FGFR2: variants seen among roughly 807,000 people sequenced by gnomAD.
FGFR2 encodes the protein fibroblast growth factor receptor 2, also known as BEK fibroblast growth factor receptor.
In FGFR2, 19 loss-of-function variants were observed where a neutral mutation model predicts 95.9. The observed-to-expected ratio is 0.20, with a 90% CI of 0.14 to 0.29. The LOEUF is 0.29. Ranked by LOEUF, FGFR2 falls within the 10% of genes least tolerant of loss-of-function variation. The probability of loss-of-function intolerance (pLI) is 1.00; values close to 1 mark genes in which losing one functional copy is unlikely to be tolerated. For missense variants in FGFR2, 707 were observed against 1,056.9 expected (o/e 0.67, Z 4.59); for synonymous variants, 392 against 393.3 (o/e 1.00, Z 0.04).
At chr10:121,569,342 T>A (rs1172980267) in intron 2 of FGFR2, among the ~76,000 whole-genome samples, 1 of 151,756 alleles carries the variant, frequency 6.6e-6, no homozygotes, top group Non-Finnish European at 1.5e-5. Context: ...TGCCTCAGCC[T>A]CCCAAGTAGT....
chr10:121,489,405 T>C (rs1489612334), intron 13 of FGFR2, among the ~76,000 whole-genome samples: 2 of 152,092 alleles, frequency 1.3e-5, no homozygotes, highest in Admixed American at 1.3e-4. Context: ...TCCCCTTCCC[T>C]CAGCTGCCTC....
At chr10:121,560,475 T>C (rs1313186284) in intron 4 of FGFR2, among the ~76,000 whole-genome samples, 1 of 151,338 alleles carries the variant, frequency 6.6e-6, no homozygotes, top group Non-Finnish European at 1.5e-5. Context: ...ATTAGCCGGG[T>C]GTGGTGGTGG....
At position 121,484,095 on chromosome 10, in the gene FGFR2, G is replaced by A. The variant is rs548983419; in HGVS notation, c.2196-292C>T. Among the ~76,000 whole-genome samples, 6 of 152,076 alleles carry A rather than the reference G, an allele frequency of 3.9e-5. No individual in the cohort carries two copies. In the East Asian group the frequency reaches 9.7e-4, roughly 24 times the overall value. On this transcript the variant is annotated intron_variant, in intron 16 of 17. Coordinates refer to ENST00000358487, the MANE Select transcript of FGFR2 (RefSeq NM_000141.5). ...GGCCACAGTGACATCTCACAATGGC[G>A]TCACACCCTAAAGATGCTTTGGAGG...
intron 17 of FGFR2, chr10:121,481,843 T>A (rs1204422930): frequency 1.6e-5 from 3 of 185,486 alleles, no homozygotes; most frequent in South Asian, 2.1e-4. Flanking sequence ...TATTTTTATT[T>A]TTTTTTTTTT....
chr10:121,588,650 G>A (rs1423511189), intron 2 of FGFR2, among the ~76,000 whole-genome samples: 7 of 152,158 alleles, frequency 4.6e-5, no homozygotes, highest in African/African-American at 1.7e-4. Flanking sequence ...TAGGACAGGT[G>A]TGGTGGCTCA....
chr10:121,501,233 G>A (rs1001694500), intron 10 of FGFR2, among the ~76,000 whole-genome samples: 1 of 152,132 alleles, frequency 6.6e-6, no homozygotes, highest in Non-Finnish European at 1.5e-5. Context: ...GCTTTCCTAA[G>A]TGCCAGAGAA....
In FGFR2 at chr10:121,531,090, C is replaced by A. The variant is rs1852014620; in HGVS notation, c.748+7502G>T. Among the ~76,000 whole-genome samples the A allele has an allele frequency of 6.6e-6, 1 of 152,210 alleles. No individual in the cohort carries two copies. Among genetic ancestry groups the A allele is most frequent in the African/African-American group, 2.4e-5 (1 of 41,460 alleles). ...CTCTCCAGCCACCTCACCCAGGCCC[C>A]CTGCAAGAATCGAAAGCAATCAATA... On this transcript the variant is annotated intron_variant, in intron 6 of 17. Coordinates refer to ENST00000358487, the MANE Select transcript of FGFR2 (RefSeq NM_000141.5). This position sits in a 1 kb window ranked among gnomAD's most constrained non-coding sequence, Gnocchi z 4.5.
intron 4 of FGFR2, among the ~76,000 whole-genome samples, chr10:121,553,986 G>C (rs773039395): frequency 6.6e-6 from 1 of 152,196 alleles, no homozygotes; most frequent in African/African-American, 2.4e-5. Flanking sequence ...TTGGTGCCTC[G>C]GGAGTGATTT....
intron 6 of FGFR2, among the ~76,000 whole-genome samples, chr10:121,533,897 G>T (rs910511370): frequency 1.3e-5 from 2 of 152,026 alleles, no homozygotes; most frequent in South Asian, 2.1e-4. Flanking sequence ...ACTGCAAAGT[G>T]GGGGAGGGGA....
Position 121,597,995 on chromosome 10 carries a change from G to A in FGFR2, c.-184C>T. On this transcript the variant is annotated 5_prime_UTR_variant, in exon 1 of 18. Transcript: ENST00000358487. Reference sequence around the variant, plus strand: ...GCAACGCTCCTCCGCGACCTGTGTTGTCCCCGCGCCCCGCGTGGGTCGGGA... The same window carrying A: ...GCAACGCTCCTCCGCGACCTGTGTTATCCCCGCGCCCCGCGTGGGTCGGGA... 2.5e-6 allele frequency: 1 copy of A among 395,520 alleles called. No individual in the cohort carries two copies. The highest frequency in any genetic ancestry group is 4.5e-6 in the Non-Finnish European group (1 of 224,014). The allele number at this position is 395,520 out of a possible 1,614,324, so 24.5% of individuals were successfully genotyped here.
At chr10:121,525,647 G>GAGAGAGAGAGAGA (rs1564929147) in intron 6 of FGFR2, among the ~76,000 whole-genome samples, 1 of 136,982 alleles carries the variant, frequency 7.3e-6, no homozygotes, top group African/African-American at 2.6e-5. Flanking sequence ...GAGAGAGAGA[G>GAGAGAGAGAGAGA]GAAAAAAATA....
At chr10:121,570,140 A>G (rs1427606565) in intron 2 of FGFR2, among the ~76,000 whole-genome samples, 1 of 122,392 alleles carries the variant, frequency 8.2e-6, no homozygotes, top group African/African-American at 2.5e-5. Context: ...CCAGGGGGCC[A>G]AGAACACAAG....
chr10:121,524,531 T>C (rs1041142355), intron 6 of FGFR2, among the ~76,000 whole-genome samples: 2 of 152,194 alleles, frequency 1.3e-5, no homozygotes, highest in Admixed American at 6.5e-5. Flanking sequence ...CTGGACGTCT[T>C]GGAAAAGGGC....
intron 1 of FGFR2, among the ~76,000 whole-genome samples, chr10:121,597,550 C>T (rs1469021430): frequency 6.6e-6 from 1 of 152,204 alleles, no homozygotes; most frequent in Non-Finnish European, 1.5e-5. Context: ...TACGGAAGTT[C>T]CCAGGACACA....
At chr10:121,495,942 C>A (rs900074138) in intron 13 of FGFR2, among the ~76,000 whole-genome samples, 1 of 152,184 alleles carries the variant, frequency 6.6e-6, no homozygotes, top group Non-Finnish European at 1.5e-5. Context: ...TCAAGTTCCA[C>A]GGTAAGTGGC....
At chr10:121,481,264 G>A (rs545158402) in intron 17 of FGFR2, among the ~76,000 whole-genome samples, 4 of 152,280 alleles carry the variant, frequency 2.6e-5, no homozygotes, top group Non-Finnish European at 5.9e-5. Context: ...ACATCCAGAA[G>A]CCAACAACTA....
chr10:121,597,845 A>G (rs967974536), intron 1 of FGFR2, 117 bp downstream of exon 1: 17 of 371,478 alleles, frequency 4.6e-5, no homozygotes, highest in African/African-American at 3.1e-4. Flanking sequence ...CGTCCTCCAC[A>G]ATGCTAGTCC....
intron 1 of FGFR2, among the ~76,000 whole-genome samples, chr10:121,596,931 A>G (rs1207582703): frequency 6.6e-6 from 1 of 152,178 alleles, no homozygotes; most frequent in African/African-American, 2.4e-5. Flanking sequence ...GATGAAAATG[A>G]GTCGAGCCCG....
intron 5 of FGFR2, among the ~76,000 whole-genome samples, chr10:121,546,491 AAAT>A (rs1589936744): frequency 6.6e-6 from 1 of 152,228 alleles, no homozygotes; most frequent in Non-Finnish European, 1.5e-5. Context: ...TGCACTTTAA[AAAT>A]AATAATTTGA....
Sources: gnomAD v4.1 joint callset for allele counts (sites outside exome capture counted in the v4.1 genomes callset) on GRCh38, gnomAD v4.1.1 for gene constraint, Gnocchi (gnomAD v3.1) non-coding constraint, MANE v1.5 for transcripts, NCBI Gene and HGNC (gene_info 2026-07-23, HGNC 2026-07-21) for gene names.